The following SELENOF variants were observed in gnomAD, a reference collection of about 807,000 sequenced individuals.
SELENOF encodes the protein selenoprotein F, also known as 15 kDa selenoprotein.
SELENOF carries 16 observed loss-of-function variants against 20.5 expected under a neutral mutation model. That is an observed-to-expected ratio of 0.78 (90% CI 0.53 to 1.19). The LOEUF (loss-of-function observed/expected upper bound fraction) is 1.19. SELENOF is among the 50% of genes most tolerant of loss of function. The pLI is 0.00. For missense variants in SELENOF, 215 were observed against 194.2 expected, an observed-to-expected ratio of 1.11 and a Z score of -0.64; for synonymous variants, 78 against 74.5, an observed-to-expected ratio of 1.05 and a Z score of -0.24.
In SELENOF at chr1:86,863,305, A is replaced by T; in HGVS notation, c.*169T>A. On this transcript the variant is annotated 3_prime_UTR_variant, in exon 5 of 5. Coordinates refer to ENST00000331835, the MANE Select transcript of SELENOF (RefSeq NM_004261.5). ...AAAATGGGTTTTGTTAAGCTTGCCAACTCCTTAGATATCATGGACTATACT... is the reference window on the plus strand; with the variant it reads ...AAAATGGGTTTTGTTAAGCTTGCCATCTCCTTAGATATCATGGACTATACT... The T allele has an allele frequency of 2.1e-6, 1 of 486,914 alleles. No homozygotes were observed. The highest frequency in any genetic ancestry group is 3.4e-6 in the Non-Finnish European group (1 of 292,946). The allele number at this position is 486,914 out of a possible 1,614,324, so 30.2% of individuals were successfully genotyped here. A position where few individuals can be genotyped will look rare whatever the true frequency, so the allele number is the denominator to read the frequency against.
chr1:86,870,763 C>T (rs1044609906), intron 3 of SELENOF, among the ~76,000 whole-genome samples: 2 of 152,152 alleles, frequency 1.3e-5, no homozygotes, highest in Non-Finnish European at 2.9e-5. Context: ...GGACTACAGG[C>T]ACCCGCCACC....
chr1:86,903,164 T>TA, intron 2 of SELENOF, 117 bp downstream of exon 2: 1 of 869,828 alleles, frequency 1.1e-6, no homozygotes. Flanking sequence ...AGTTGAGTTT[T>TA]ACTAAAAAAT....
intron 1 of SELENOF, among the ~76,000 whole-genome samples, chr1:86,909,983 C>T (rs928774519): frequency 3.3e-5 from 5 of 151,734 alleles, no homozygotes; most frequent in Non-Finnish European, 5.9e-5. Flanking sequence ...TGCGAGACTT[C>T]GTCTCAAAAA....
intron 1 of SELENOF, chr1:86,913,662 T>G (rs557315130): frequency 9.7e-6 from 2 of 205,760 alleles, no homozygotes; most frequent in Admixed American, 5.2e-5. Context: ...CCTCTAAGAG[T>G]TGGAAGTCTC....
chr1:86,865,921 C>T (rs146003467), intron 4 of SELENOF, among the ~76,000 whole-genome samples: 1 of 152,166 alleles, frequency 6.6e-6, no homozygotes, highest in East Asian at 1.9e-4. Flanking sequence ...GAGCTGGGCA[C>T]AGTGGCTCAT....
At chr1:86,901,024 C>T (rs1458154684) in intron 2 of SELENOF, among the ~76,000 whole-genome samples, 3 of 152,274 alleles carry the variant, frequency 2.0e-5, no homozygotes, top group Admixed American at 6.5e-5. Context: ...TCCTGAGTAG[C>T]TGGTACTATA....
At chr1:86,872,835 G>A (rs1333071941) in intron 3 of SELENOF, among the ~76,000 whole-genome samples, 1 of 151,992 alleles carries the variant, frequency 6.6e-6, no homozygotes, top group Non-Finnish European at 1.5e-5. Flanking sequence ...GAGGTCAGGA[G>A]ATTGAGACCA....
intron 4 of SELENOF, among the ~76,000 whole-genome samples, chr1:86,867,456 C>A (rs767745742): frequency 3.3e-4 from 50 of 151,942 alleles, no homozygotes; most frequent in Non-Finnish European, 6.5e-4. Context: ...GGTGCCACTG[C>A]ACTCCAGCCT....
intron 3 of SELENOF, among the ~76,000 whole-genome samples, chr1:86,879,525 C>T (rs929198590): frequency 3.3e-5 from 5 of 152,118 alleles, no homozygotes; most frequent in African/African-American, 1.2e-4. Context: ...CAATAAAAAG[C>T]ATGTGCTAAT....
At chr1:86,898,508 T>C (rs1659583837) in intron 2 of SELENOF, among the ~76,000 whole-genome samples, 1 of 152,092 alleles carries the variant, frequency 6.6e-6, no homozygotes, top group Non-Finnish European at 1.5e-5. Context: ...CAAAAATGAA[T>C]GTCCTGGTAA....
chr1:86,874,124 C>T (rs1021888013), intron 3 of SELENOF, among the ~76,000 whole-genome samples: 4 of 151,384 alleles, frequency 2.6e-5, no homozygotes, highest in African/African-American at 7.3e-5. Context: ...TAATGATTCC[C>T]TGCTAATTTT....
At chr1:86,875,429 G>T (rs191451475) in intron 3 of SELENOF, among the ~76,000 whole-genome samples, 1 of 152,108 alleles carries the variant, frequency 6.6e-6, no homozygotes, top group South Asian at 2.1e-4. Context: ...TTTAGGAAAA[G>T]ATGAGAACTT....
At chr1:86,901,512 G>A (rs1659706487) in intron 2 of SELENOF, among the ~76,000 whole-genome samples, 1 of 151,984 alleles carries the variant, frequency 6.6e-6, no homozygotes, top group African/African-American at 2.4e-5. Flanking sequence ...GGGGCTAGGA[G>A]CAAAGTTAAA....
chr1:86,914,343 G>C, upstream of SELENOF: 1 of 570,742 alleles, frequency 1.8e-6, no homozygotes, highest in Non-Finnish European at 3.1e-6. Flanking sequence ...TACTTCTGCG[G>C]TCTCCTTTCT....
chr1:86,912,151 T>C (rs1191102999), intron 1 of SELENOF, among the ~76,000 whole-genome samples: 2 of 152,168 alleles, frequency 1.3e-5, no homozygotes, highest in Non-Finnish European at 2.9e-5. Context: ...CCAGGGATAA[T>C]TCAAACGGTG....
At position 86,914,079 on chromosome 1, in the gene SELENOF, A is replaced by C; in HGVS notation, c.33T>G (p.Cys11Trp). Residue 11 changes from cysteine (C) to tryptophan (W), a missense_variant, in exon 1 of 5, where the codon TGT becomes TGG. Coordinates refer to ENST00000331835, the MANE Select transcript of SELENOF (RefSeq NM_004261.5). ...ACCGTAGCCCAAACGCCGGCACCAGACACCCACTCGGCCCAGCCGCCATCG... is the reference window on the plus strand; with the variant it reads ...ACCGTAGCCCAAACGCCGGCACCAGCCACCCACTCGGCCCAGCCGCCATCG... MVAMAAGPSGCLVPAFGLRLL... is the reference protein window; with the variant it reads MVAMAAGPSGWLVPAFGLRLL... 1 of 1,613,888 alleles carries C rather than the reference A, an allele frequency of 6.2e-7. No individual in the cohort carries two copies. The highest frequency in any genetic ancestry group is 8.5e-7 in the Non-Finnish European group (1 of 1,179,872).
intron 3 of SELENOF, among the ~76,000 whole-genome samples, chr1:86,872,171 A>G (rs1658789714): frequency 6.6e-6 from 1 of 152,210 alleles, no homozygotes; most frequent in Non-Finnish European, 1.5e-5. Flanking sequence ...TAACCACATA[A>G]ACGCAAATAT....
intron 3 of SELENOF, among the ~76,000 whole-genome samples, chr1:86,872,445 C>T (rs1258906127): frequency 2.0e-5 from 3 of 152,022 alleles, no homozygotes; most frequent in Non-Finnish European, 4.4e-5. Flanking sequence ...CTTGGCTCAC[C>T]GCAACCTCCG....
chr1:86,885,097 C>T (rs1033453202), intron 2 of SELENOF, among the ~76,000 whole-genome samples: 1 of 152,192 alleles, frequency 6.6e-6, no homozygotes, highest in Non-Finnish European at 1.5e-5. Flanking sequence ...CATTAGTCTT[C>T]GGATAAATTC....
Sources: gnomAD v4.1 joint callset for allele counts (sites outside exome capture counted in the v4.1 genomes callset) on GRCh38, gnomAD v4.1.1 for gene constraint, MANE v1.5 for transcripts, NCBI Gene and HGNC (gene_info 2026-07-23, HGNC 2026-07-21) for gene names.